Variants in CBLN3 observed in about 807,000 individuals in gnomAD.
The protein encoded by CBLN3 is cerebellin 3 precursor, also known as cerebellin-3.
In CBLN3, 14 loss-of-function variants were observed where a neutral mutation model predicts 17.4. That is an observed-to-expected ratio of 0.81 (90% CI 0.53 to 1.26). The LOEUF is 1.26. CBLN3 is among the 50% of genes most tolerant of loss of function. CBLN3 has a pLI of 0.00. For synonymous variants in CBLN3, 129 were observed against 117.4 expected (o/e 1.10, Z -0.64); for missense variants, 263 against 268.5 (o/e 0.98, Z 0.14).
Position 24,427,648 on chromosome 14 carries a change from G to T in CBLN3, c.*141C>A. 1 of 783,998 alleles carries T rather than the reference G, an allele frequency of 1.3e-6. No individual in the cohort carries two copies. Among genetic ancestry groups the T allele is most frequent in the East Asian group, 2.4e-5 (1 of 40,980 alleles). 48.6% of individuals were successfully genotyped at this position (783,998 alleles called of 1,614,324 possible). ...AGCTCTACTCTTCTCTTAAACTTGG[G>T]TGTTTGGCACAGGGTCCCATGCAAA... On this transcript the variant is annotated 3_prime_UTR_variant, in exon 3 of 3. Transcript: ENST00000267406. The surrounding 1 kb of genome is among the most constrained non-coding windows in gnomAD (Gnocchi z 4.4).
intron 1 of CBLN3, 46 bp from the exon 2 acceptor site, chr14:24,428,451 G>T: frequency 6.2e-7 from 1 of 1,609,234 alleles, no homozygotes; most frequent in South Asian, 1.1e-5. Context: ...AAATGCCCAT[G>T]GCTCAGGGGT....
In CBLN3 at chr14:24,426,684, T is replaced by G. The variant is rs989012183; in HGVS notation, c.*1105A>C. ...GACCACCATTCTCTAGTTGTTTTATTGATAGATTCATCCAGGCTGGGCCAA... is the reference window on the plus strand; with the variant it reads ...GACCACCATTCTCTAGTTGTTTTATGGATAGATTCATCCAGGCTGGGCCAA... On this transcript the variant is annotated 3_prime_UTR_variant, in exon 3 of 3. Coordinates refer to ENST00000267406, the MANE Select transcript of CBLN3 (RefSeq NM_001039771.3). The G allele has an allele frequency of 6.6e-6, 1 of 152,168 alleles. No homozygotes were observed. The highest frequency in any genetic ancestry group is 2.4e-5 in the African/African-American group (1 of 41,430). The allele number at this position is 152,168 out of a possible 1,614,324, so 9.4% of individuals were successfully genotyped here. A position where few individuals can be genotyped will look rare whatever the true frequency, so the allele number is the denominator to read the frequency against.
Position 24,429,111 on chromosome 14 carries a change from C to T in CBLN3, c.-57G>A, listed in dbSNP as rs112261621. The stretch of plus-strand genomic sequence containing the variant: ...CGGTCTTCTGCCCCTCTTCTGTTTC[C>T]GCTCCTCTCCCTGGATTCTCACCGC... On this transcript the variant is annotated 5_prime_UTR_variant, in exon 1 of 3. Transcript: ENST00000267406. 1,981 of 1,448,558 alleles carry T rather than the reference C, an allele frequency of 1.4e-3. 23 individuals carry two copies. In the African/African-American group the frequency reaches 0.023, roughly 17 times the overall value. 89.7% of individuals were successfully genotyped at this position (1,448,558 alleles called of 1,614,324 possible). A position where few individuals can be genotyped will look rare whatever the true frequency, so the allele number is the denominator to read the frequency against.
intron 2 of CBLN3, 49 bp downstream of exon 2, chr14:24,428,237 C>T: frequency 6.2e-7 from 1 of 1,604,272 alleles, no homozygotes; most frequent in South Asian, 1.1e-5. Context: ...CCCCTTCTTC[C>T]CCCTCCCCAC....
In CBLN3 at chr14:24,427,473, C is replaced by T. The variant is rs140597570; in HGVS notation, c.*316G>A. On this transcript the variant is annotated 3_prime_UTR_variant, in exon 3 of 3. Transcript: ENST00000267406. This position sits in a 1 kb window ranked among gnomAD's most constrained non-coding sequence, Gnocchi z 4.4. Reference sequence around the variant, plus strand: ...GAGCAGGAAGCTGGGGTGGGGGAACCGGAGGAGCAGAGGCCGCAAAGTAGT... The same window carrying T: ...GAGCAGGAAGCTGGGGTGGGGGAACTGGAGGAGCAGAGGCCGCAAAGTAGT... 1.0e-3 allele frequency: 331 copies of T among 322,910 alleles called. 2 individuals carry two copies. The highest frequency in any genetic ancestry group is 6.4e-3 in the African/African-American group (298 of 46,376). 20.0% of individuals were successfully genotyped at this position (322,910 alleles called of 1,614,324 possible). A position where few individuals can be genotyped will look rare whatever the true frequency, so the allele number is the denominator to read the frequency against.
chr14:24,429,078 A>G lies in CBLN3; in HGVS notation c.-24T>C. On this transcript the variant is annotated 5_prime_UTR_variant, in exon 1 of 3. Transcript: ENST00000267406. Reference sequence around the variant, plus strand: ...ATGGCTGAGGGGCTCTGCAACCCACAAGTGCCCCGGTCTTCTGCCCCTCTT... The same window carrying G: ...ATGGCTGAGGGGCTCTGCAACCCACGAGTGCCCCGGTCTTCTGCCCCTCTT... The G allele has an allele frequency of 6.8e-7, 1 of 1,469,588 alleles. No individual in the cohort carries two copies. Among genetic ancestry groups the G allele is most frequent in the Non-Finnish European group, 9.0e-7 (1 of 1,106,680 alleles). 91.0% of individuals were successfully genotyped at this position (1,469,588 alleles called of 1,614,324 possible).
intron 1 of CBLN3, 91 bp from the exon 2 acceptor site, chr14:24,428,496 G>T (rs2043047989): frequency 1.4e-6 from 2 of 1,468,818 alleles, no homozygotes; most frequent in Non-Finnish European, 9.3e-7. Context: ...AGTGAGTAAT[G>T]AATAGAAGGA....
chr14:24,426,684 T>C lies in CBLN3; in HGVS notation c.*1105A>G, dbSNP rs989012183. Reference sequence around the variant, plus strand: ...GACCACCATTCTCTAGTTGTTTTATTGATAGATTCATCCAGGCTGGGCCAA... The same window carrying C: ...GACCACCATTCTCTAGTTGTTTTATCGATAGATTCATCCAGGCTGGGCCAA... On this transcript the variant is annotated 3_prime_UTR_variant, in exon 3 of 3. Transcript: ENST00000267406. The C allele has an allele frequency of 6.6e-6, 1 of 152,168 alleles. No individual in the cohort carries two copies. The allele number at this position is 152,168 out of a possible 1,614,324, so 9.4% of individuals were successfully genotyped here. A position where few individuals can be genotyped will look rare whatever the true frequency, so the allele number is the denominator to read the frequency against.
Position 24,429,627 on chromosome 14 carries a change from G to A in CBLN3, c.-573C>T. 1 of 1,089,542 alleles carries A rather than the reference G, an allele frequency of 9.2e-7. No individual in the cohort carries two copies. The allele number at this position is 1,089,542 out of a possible 1,614,324, so 67.5% of individuals were successfully genotyped here. A position where few individuals can be genotyped will look rare whatever the true frequency, so the allele number is the denominator to read the frequency against. On this transcript the variant is annotated 5_prime_UTR_variant, in exon 1 of 3. Transcript: ENST00000267406. ...CTACCCCCTCCGCCACGATTGCTTT[G>A]GTGGAAAGTGCTTGGGCCTAGAGCA...
chr14:24,427,754 G>T lies in CBLN3; in HGVS notation c.*35C>A. ...AAGAGAGGGCAGAAGAAAGTTGTCA[G>T]GGGCTGGATTCTTGTGCTTGAAAGA... On this transcript the variant is annotated 3_prime_UTR_variant, in exon 3 of 3. Transcript: ENST00000267406. This position sits in a 1 kb window ranked among gnomAD's most constrained non-coding sequence, Gnocchi z 4.4. The T allele has an allele frequency of 1.2e-6, 2 of 1,604,484 alleles. No individual in the cohort carries two copies. The highest frequency in any genetic ancestry group is 1.7e-6 in the Non-Finnish European group (2 of 1,171,590).
chr14:24,428,558 A>C (rs936045801), intron 1 of CBLN3, among the ~76,000 whole-genome samples, 153 bp from the exon 2 acceptor site: 2 of 148,934 alleles, frequency 1.3e-5, no homozygotes, highest in Non-Finnish European at 3.0e-5. Flanking sequence ...AATGGTGAGA[A>C]GGGGCAAGGA....
chr14:24,429,563 G>T lies in CBLN3; in HGVS notation c.-509C>A. Reference sequence around the variant, plus strand: ...TCTTTCCGTTTGTTGGAAGAAAGGGGTACTCCACCACGGGTACCCTCCGCC... The same window carrying T: ...TCTTTCCGTTTGTTGGAAGAAAGGGTTACTCCACCACGGGTACCCTCCGCC... On this transcript the variant is annotated 5_prime_UTR_variant, in exon 1 of 3. Transcript: ENST00000267406. The T allele has an allele frequency of 4.1e-6, 2 of 489,310 alleles. No homozygotes were observed. The highest frequency in any genetic ancestry group is 6.9e-6 in the Non-Finnish European group (2 of 288,438). The allele number at this position is 489,310 out of a possible 1,614,324, so 30.3% of individuals were successfully genotyped here. A position where few individuals can be genotyped will look rare whatever the true frequency, so the allele number is the denominator to read the frequency against.
In CBLN3 at chr14:24,428,325, C is replaced by A; in HGVS notation, c.381G>T (p.Arg127=). ...VAPVRGVYSF[R]FHVVKVYNRQ... is the part of the protein sequence containing the mutation. Reference sequence around the variant, plus strand: ...GGTTGTACACCTTCACCACATGGAACCGGAAGCTGTAGACACCCCGGACAG... The same window carrying A: ...GGTTGTACACCTTCACCACATGGAAACGGAAGCTGTAGACACCCCGGACAG... The change falls in exon 2 of 3, where the codon CGG becomes CGT. Residue 127 remains arginine, a synonymous_variant. Transcript: ENST00000267406. The A allele has an allele frequency of 1.2e-6, 2 of 1,613,916 alleles. No homozygotes were observed. The highest frequency in any genetic ancestry group is 1.6e-4 in the Middle Eastern group (1 of 6,062).
Position 24,427,834 on chromosome 14 carries a change from A to G in CBLN3, c.573T>C (p.Gly191=), listed in dbSNP as rs988288490. ...LRLRRGNLLG[G]WKYSSFSGFL... is the part of the protein sequence containing the mutation. ...AGCCAGAGAAACTTGAGTATTTCCA[A>G]CCACCCAGTAGATTCCCCCGACGCA... The change falls in exon 3 of 3, where the codon GGT becomes GGC. Residue 191 remains glycine, a synonymous_variant. Transcript: ENST00000267406. This position sits in a 1 kb window ranked among gnomAD's most constrained non-coding sequence, Gnocchi z 4.4. 1.4e-5 allele frequency: 23 copies of G among 1,613,922 alleles called. No individual in the cohort carries two copies. The highest frequency in any genetic ancestry group is 1.8e-5 in the Non-Finnish European group (21 of 1,179,998).
At chr14:24,428,051 A>C in intron 2 of CBLN3, 65 bp from the exon 3 acceptor site, 1 of 1,523,210 alleles carries the variant, frequency 6.6e-7, no homozygotes, top group Non-Finnish European at 8.9e-7. Context: ...CCACTTTCCC[A>C]GGAGCTTCCT....
chr14:24,429,221 T>G lies in CBLN3; in HGVS notation c.-167A>C, dbSNP rs1346730949. On this transcript the variant is annotated 5_prime_UTR_variant, in exon 1 of 3. Coordinates refer to ENST00000267406, the MANE Select transcript of CBLN3 (RefSeq NM_001039771.3). Reference sequence around the variant, plus strand: ...CCAGCTCTGTCCTGCCTCCCACTCTTACTCCTGCTGTCACTGCAGTTCCCT... The same window carrying G: ...CCAGCTCTGTCCTGCCTCCCACTCTGACTCCTGCTGTCACTGCAGTTCCCT... 2.8e-6 allele frequency: 2 copies of G among 711,832 alleles called. No individual in the cohort carries two copies. The highest frequency in any genetic ancestry group is 2.3e-6 in the Non-Finnish European group (1 of 426,208). 44.1% of individuals were successfully genotyped at this position (711,832 alleles called of 1,614,324 possible).
Position 24,427,195 on chromosome 14 carries a change from C to T in CBLN3, c.*594G>A, listed in dbSNP as rs2043028517. ...ATACATGCAGAATGTGTACCATGTT[C>T]AGTCTAGACAATACACCCTCCTTCC... On this transcript the variant is annotated 3_prime_UTR_variant, in exon 3 of 3. Coordinates refer to ENST00000267406, the MANE Select transcript of CBLN3 (RefSeq NM_001039771.3). The surrounding 1 kb of genome is among the most constrained non-coding windows in gnomAD (Gnocchi z 4.4). 6.5e-6 allele frequency: 1 copy of T among 154,856 alleles called. No homozygotes were observed. The highest frequency in any genetic ancestry group is 1.4e-5 in the Non-Finnish European group (1 of 69,936). 9.6% of individuals were successfully genotyped at this position (154,856 alleles called of 1,614,324 possible).
chr14:24,429,114 T>C lies in CBLN3; in HGVS notation c.-60A>G, dbSNP rs752437042. On this transcript the variant is annotated 5_prime_UTR_variant, in exon 1 of 3. Transcript: ENST00000267406. ...TCTTCTGCCCCTCTTCTGTTTCCGC[T>C]CCTCTCCCTGGATTCTCACCGCCGG... is the stretch of plus-strand genomic sequence containing the variant. 9 of 1,447,148 alleles carry C rather than the reference T, an allele frequency of 6.2e-6. No homozygotes were observed. Among genetic ancestry groups the C allele is most frequent in the Non-Finnish European group, 8.2e-6 (9 of 1,092,870 alleles). The allele number at this position is 1,447,148 out of a possible 1,614,324, so 89.6% of individuals were successfully genotyped here. A position where few individuals can be genotyped will look rare whatever the true frequency, so the allele number is the denominator to read the frequency against.
In CBLN3 at chr14:24,429,495, C is replaced by A; in HGVS notation, c.-441G>T. The A allele has an allele frequency of 2.2e-6, 1 of 458,708 alleles. No homozygotes were observed. The highest frequency in any genetic ancestry group is 4.2e-6 in the Non-Finnish European group (1 of 236,472). 28.4% of individuals were successfully genotyped at this position (458,708 alleles called of 1,614,324 possible). A position where few individuals can be genotyped will look rare whatever the true frequency, so the allele number is the denominator to read the frequency against. On this transcript the variant is annotated 5_prime_UTR_variant, in exon 1 of 3. Coordinates refer to ENST00000267406, the MANE Select transcript of CBLN3 (RefSeq NM_001039771.3). ...TCAACCCCTTCCTCCTACTCTTCCT[C>A]TCTTCAAAATCCCCCACAAATCAAC...
Sources: gnomAD v4.1 joint callset for allele counts (sites outside exome capture counted in the v4.1 genomes callset) on GRCh38, gnomAD v4.1.1 for gene constraint, Gnocchi (gnomAD v3.1) non-coding constraint, MANE v1.5 for transcripts, NCBI Gene and HGNC (gene_info 2026-07-23, HGNC 2026-07-21) for gene names.